Variants in DRICH1 observed in about 807,000 individuals in gnomAD.
DRICH1 encodes aspartate-rich protein 1.
A neutral mutation model predicts 39.5 loss-of-function variants in DRICH1; 38 were observed. That is an observed-to-expected ratio of 0.96 (90% CI 0.74 to 1.26). DRICH1 has a LOEUF of 1.26. Ranked by LOEUF, DRICH1 falls within the 50% of genes most tolerant of loss-of-function variation. The pLI is 0.00. For missense variants in DRICH1, 279 were observed against 270.4 expected, an observed-to-expected ratio of 1.03 and a Z score of -0.22; for synonymous variants, 84 against 99.5, an observed-to-expected ratio of 0.84 and a Z score of 0.93.
chr22:23,597,009 T>C, the DRICH1 span, among the ~76,000 whole-genome samples: 1 of 151,126 alleles, frequency 6.6e-6, no homozygotes, highest in Non-Finnish European at 1.5e-5. Context: ...TTACTTCCTA[T>C]ACTTGGGGGC....
chr22:23,628,582 A>T (rs550108820), intron 1 of DRICH1, among the ~76,000 whole-genome samples: 8 of 152,262 alleles, frequency 5.3e-5, no homozygotes, highest in African/African-American at 1.9e-4. Context: ...AAAACAGACA[A>T]ACAAAAACAC....
intron 1 of DRICH1, among the ~76,000 whole-genome samples, chr22:23,626,659 C>T (rs1340218507): frequency 1.3e-5 from 2 of 152,126 alleles, no homozygotes; most frequent in Non-Finnish European, 2.9e-5. Flanking sequence ...GAAGTTATTC[C>T]AGAGAGCAAC....
At chr22:23,595,173 A>G in the DRICH1 span, among the ~76,000 whole-genome samples, 1 of 142,980 alleles carries the variant, frequency 7.0e-6, no homozygotes. Context: ...TCCTCCTATG[A>G]GTAGATGAAA....
At chr22:23,598,516 G>A in the DRICH1 span, among the ~76,000 whole-genome samples, 1 of 152,218 alleles carries the variant, frequency 6.6e-6, no homozygotes, top group African/African-American at 2.4e-5. Context: ...CTGAGCTTGG[G>A]CGGGACCCCT....
chr22:23,597,476 C>T, the DRICH1 span, among the ~76,000 whole-genome samples: 1 of 123,068 alleles, frequency 8.1e-6, no homozygotes. Flanking sequence ...GCACTCCAGC[C>T]TGGGTGACAG....
rs1448295837 is a variant in DRICH1 at position 23,624,372 on chromosome 22, A to G, written c.298+511T>C. ...AATGATCAAAAACACAGGATACTCA[A>G]TAGCCCATAAACATAATACTTCTCA... On this transcript the variant is annotated intron_variant, in intron 3 of 11. Coordinates refer to ENST00000317749, the MANE Select transcript of DRICH1 (RefSeq NM_016449.4). The G allele has an allele frequency of 6.1e-6, 6 of 979,960 alleles. No individual in the cohort carries two copies. In the South Asian group the frequency reaches 1.9e-4, roughly 31 times the overall value. The allele number at this position is 979,960 out of a possible 1,614,324, so 60.7% of individuals were successfully genotyped here.
intron 8 of DRICH1, among the ~76,000 whole-genome samples, chr22:23,614,516 T>C (rs890305392): frequency 1.3e-5 from 2 of 152,202 alleles, no homozygotes; most frequent in African/African-American, 4.8e-5. Context: ...TCTCAAATGT[T>C]TTGAAACTCT....
At chr22:23,597,502 CAAAAAAAAAAA>C in the DRICH1 span, among the ~76,000 whole-genome samples, 1 of 106,442 alleles carries the variant, frequency 9.4e-6, no homozygotes, top group Admixed American at 1.1e-4. Context: ...GACCCTGTCT[CAAAAAAAAAAA>C]AAAAAGGAAA....
In DRICH1 at chr22:23,624,823, T is replaced by C; in HGVS notation, c.298+60A>G. On this transcript the variant is annotated intron_variant, in intron 3 of 11. Coordinates refer to ENST00000317749, the MANE Select transcript of DRICH1 (RefSeq NM_016449.4). ...TTTAACAGGAATCCAGATTAAGGTT[T>C]CTATATATTAAAGCTAGCAAGTTTG... 3 of 1,562,916 alleles carry C rather than the reference T, an allele frequency of 1.9e-6. No individual in the cohort carries two copies. In the East Asian group the frequency reaches 6.7e-5, roughly 35 times the overall value.
At chr22:23,620,637 T>G in intron 4 of DRICH1, 22 bp from the exon 5 acceptor site, 1 of 1,613,504 alleles carries the variant, frequency 6.2e-7, no homozygotes, top group Non-Finnish European at 8.5e-7. Context: ...CAAAAGAAGA[T>G]GCTATGAGGA....
At chr22:23,604,660 C>A (rs1926635398), downstream of DRICH1, among the ~76,000 whole-genome samples, 1 of 152,178 alleles carries the variant, frequency 6.6e-6, no homozygotes, top group Non-Finnish European at 1.5e-5. Flanking sequence ...TGGAAGCCCT[C>A]ACCACGGCCA....
At chr22:23,613,148 A>AAGCCAGACCTC in intron 11 of DRICH1, 141 bp downstream of exon 11, 2 of 691,934 alleles carry the variant, frequency 2.9e-6, no homozygotes, top group Non-Finnish European at 5.2e-6. Flanking sequence ...TGAAAACAAC[A>AAGCCAGACCTC]AGCCAGACCT....
chr22:23,616,901 T>C, intron 7 of DRICH1, 27 bp from the exon 8 acceptor site: 1 of 1,613,448 alleles, frequency 6.2e-7, no homozygotes, highest in Non-Finnish European at 8.5e-7. Context: ...GAAGATGCTG[T>C]AAGGATCAGA....
At chr22:23,582,843 GAGCCATCGTGCCC>G in the DRICH1 span, among the ~76,000 whole-genome samples, 7 of 151,500 alleles carry the variant, frequency 4.6e-5, no homozygotes, top group Admixed American at 1.3e-4. Context: ...TTACAGGCGT[GAGCCATCGTGCCC>G]GGCCAATTAT....
chr22:23,584,233 G>C, the DRICH1 span, among the ~76,000 whole-genome samples: 1 of 152,190 alleles, frequency 6.6e-6, no homozygotes, highest in Non-Finnish European at 1.5e-5. Context: ...GTCCTGCTCA[G>C]TGCCCTCCCT....
the DRICH1 span, among the ~76,000 whole-genome samples, chr22:23,597,387 C>T: frequency 7.0e-6 from 1 of 142,734 alleles, no homozygotes; most frequent in Non-Finnish European, 1.5e-5. Context: ...TGCAGCTATG[C>T]GGCCACTCAG....
At chr22:23,617,023 G>T (rs1401694885) in intron 7 of DRICH1, 149 bp from the exon 8 acceptor site, 1 of 887,376 alleles carries the variant, frequency 1.1e-6, no homozygotes, top group Non-Finnish European at 1.8e-6. Context: ...TAGCATAGAG[G>T]ACATGTGTGG....
At chr22:23,582,559 T>TTATTAC in the DRICH1 span, among the ~76,000 whole-genome samples, 1 of 131,142 alleles carries the variant, frequency 7.6e-6, no homozygotes, top group Non-Finnish European at 1.7e-5. Flanking sequence ...CAGGGGCTTA[T>TTATTAC]TATTATTATT....
the DRICH1 span, chr22:23,581,155 A>G: frequency 6.6e-6 from 1 of 152,246 alleles, no homozygotes; most frequent in African/African-American, 2.4e-5. Context: ...TACAGTTTTT[A>G]ACTGTAGACT....
Sources: gnomAD v4.1 joint callset for allele counts (sites outside exome capture counted in the v4.1 genomes callset) on GRCh38, gnomAD v4.1.1 for gene constraint, MANE v1.5 for transcripts, NCBI Gene and HGNC (gene_info 2026-07-23, HGNC 2026-07-21) for gene names.